BRI3: variants seen among roughly 807,000 people sequenced by gnomAD.
BRI3 encodes the protein brain protein I3.
BRI3 carries 6 observed loss-of-function variants against 12.8 expected under a neutral mutation model. The ratio of observed to expected loss-of-function variants is 0.47; its 90% CI spans 0.26 to 0.93. The LOEUF (loss-of-function observed/expected upper bound fraction) is 0.93. Among genes scored for constraint, BRI3 ranks in the 40% least tolerant of loss-of-function variants. The probability of loss-of-function intolerance (pLI) is 0.15; values close to 1 mark genes in which losing one functional copy is unlikely to be tolerated. For synonymous variants in BRI3, 91 were observed against 76.1 expected, an observed-to-expected ratio of 1.20 and a Z score of -1.02; for missense variants, 134 against 171.1, an observed-to-expected ratio of 0.78 and a Z score of 1.21.
chr7:98,283,938 A>G (rs533817501), intron 2 of BRI3, among the ~76,000 whole-genome samples: 1 of 152,272 alleles, frequency 6.6e-6, no homozygotes, highest in South Asian at 2.1e-4. Flanking sequence ...TGCTGTCGGT[A>G]TGGGGGCACT....
downstream of BRI3, chr7:98,293,101 T>C (rs1014718518): frequency 1.0e-5 from 5 of 482,496 alleles, no homozygotes; most frequent in Admixed American, 1.1e-4. Context: ...ATATCTTCTT[T>C]AGACATAATG....
chr7:98,314,312 T>A (rs968750293), downstream of BRI3, among the ~76,000 whole-genome samples: 2 of 152,168 alleles, frequency 1.3e-5, no homozygotes, highest in Admixed American at 6.5e-5. Context: ...GTAAAAAGTT[T>A]ATAGAAAATA....
At chr7:98,292,965 TG>T, downstream of BRI3, 1 of 1,215,034 alleles carries the variant, frequency 8.2e-7, no homozygotes, top group Non-Finnish European at 1.0e-6. Context: ...GGAGGGAGGG[TG>T]GGGGTTTCTC....
At chr7:98,307,834 T>C (rs756516093) in exon 2 of BRI3, 1 of 1,614,244 alleles carries the variant, frequency 6.2e-7, no homozygotes, top group South Asian at 1.1e-5. Context: ...TTCTGCTTCT[T>C]CATCATGTTC....
Position 98,281,816 on chromosome 7 carries a change from G to T in BRI3, c.21G>T (p.Leu7=). ...CCGCCATGGACCACAAGCCGCTGCT[G>T]CAGGAGCGGCCGCCCGCCTACAACC... is the stretch of plus-strand genomic sequence containing the variant. MDHKPL[L]QERPPAYNLE... Residue 7 remains leucine (L), a synonymous_variant, in exon 1 of 3, where the codon CTG becomes CTT. Coordinates refer to ENST00000297290, the MANE Select transcript of BRI3 (RefSeq NM_015379.5). 1 of 1,252,234 alleles carries T rather than the reference G, an allele frequency of 8.0e-7. No homozygotes were observed. Among genetic ancestry groups the T allele is most frequent in the Non-Finnish European group, 1.0e-6 (1 of 995,330 alleles). 77.6% of individuals were successfully genotyped at this position (1,252,234 alleles called of 1,614,324 possible). A position where few individuals can be genotyped will look rare whatever the true frequency, so the allele number is the denominator to read the frequency against.
the BRI3 span, chr7:98,317,422 T>C: frequency 2.4e-5 from 38 of 1,585,806 alleles, 1 homozygote; most frequent in South Asian, 4.1e-4. Flanking sequence ...AGTTTGCCTT[T>C]ACTCACACTT....
chr7:98,298,611 TCAAAA>T (rs1318678121), intron 1 of BRI3, among the ~76,000 whole-genome samples: 1 of 151,926 alleles, frequency 6.6e-6, no homozygotes, highest in Non-Finnish European at 1.5e-5. Context: ...AGACTCTGTC[TCAAAA>T]CAAAACAAAA....
downstream of BRI3, chr7:98,312,019 C>T: frequency 7.0e-7 from 1 of 1,438,824 alleles, no homozygotes; most frequent in South Asian, 1.4e-5. Context: ...CTGTGATTCC[C>T]ACCAACACAG....
chr7:98,282,635 T>A (rs1799564705), intron 2 of BRI3, 182 bp downstream of exon 2: 1 of 596,874 alleles, frequency 1.7e-6, no homozygotes, highest in South Asian at 2.0e-5. Flanking sequence ...GCGGGTCCGC[T>A]CACCCTTGGC....
At chr7:98,310,295 C>T (rs936503367) in exon 2 of BRI3, 10 of 749,606 alleles carry the variant, frequency 1.3e-5, no homozygotes, top group South Asian at 2.0e-5. Context: ...TCTGAACTCA[C>T]GCTCTGCAAA....
intron 2 of BRI3, among the ~76,000 whole-genome samples, chr7:98,286,783 T>A (rs1415811193): frequency 6.6e-6 from 1 of 152,252 alleles, no homozygotes; most frequent in East Asian, 1.9e-4. Flanking sequence ...ACTTTAATAT[T>A]TCTGCAGCAA....
chr7:98,320,182 A>AGGGTTT, the BRI3 span: 1 of 1,590,118 alleles, frequency 6.3e-7, no homozygotes, highest in South Asian at 1.1e-5. Flanking sequence ...TAAGCAAAAT[A>AGGGTTT]AGTTCTAAAA....
chr7:98,320,056 AC>A, the BRI3 span: 1 of 1,612,232 alleles, frequency 6.2e-7, no homozygotes, highest in South Asian at 1.1e-5. Context: ...CCATGCACTT[AC>A]GTTCATATAT....
chr7:98,290,775 A>G (rs1055980557), intron 2 of BRI3, among the ~76,000 whole-genome samples: 1 of 152,270 alleles, frequency 6.6e-6, no homozygotes, highest in Non-Finnish European at 1.5e-5. Flanking sequence ...CTGGGATTAC[A>G]GGCGTGAGCC....
At chr7:98,286,373 C>A (rs10226454) in intron 2 of BRI3, among the ~76,000 whole-genome samples, 18,183 of 152,236 alleles carry the variant, frequency 0.12, 1,362 homozygotes, top group South Asian at 0.23. Context: ...GGACTGGAGT[C>A]GCCTTAAGGG....
intron 2 of BRI3, among the ~76,000 whole-genome samples, chr7:98,285,864 C>T (rs956140973): frequency 6.6e-6 from 1 of 152,140 alleles, no homozygotes; most frequent in South Asian, 2.1e-4. Flanking sequence ...GCCACCTCGC[C>T]CTGCGCTGAG....
At chr7:98,283,600 T>C (rs1051685753) in intron 2 of BRI3, among the ~76,000 whole-genome samples, 2 of 152,112 alleles carry the variant, frequency 1.3e-5, no homozygotes, top group Admixed American at 1.3e-4. Flanking sequence ...CTGCACCGGG[T>C]TGGGGGGCTG....
chr7:98,318,877 G>A, the BRI3 span, among the ~76,000 whole-genome samples: 1 of 150,110 alleles, frequency 6.7e-6, no homozygotes, highest in Non-Finnish European at 1.5e-5. Context: ...CCAGGAGGCG[G>A]AGGTTGCAGT....
chr7:98,323,000 C>T, the BRI3 span: 2 of 152,126 alleles, frequency 1.3e-5, no homozygotes, highest in Non-Finnish European at 2.9e-5. Context: ...GTCCTTAAGC[C>T]CTGTGGGATT....
Sources: gnomAD v4.1 joint callset for allele counts (sites outside exome capture counted in the v4.1 genomes callset) on GRCh38, gnomAD v4.1.1 for gene constraint, MANE v1.5 for transcripts, NCBI Gene and HGNC (gene_info 2026-07-23, HGNC 2026-07-21) for gene names.